The following TRPM6 variants were observed in gnomAD, a reference collection of about 807,000 sequenced individuals.
The protein encoded by TRPM6 is channel kinase 2.
A neutral mutation model predicts 247.6 loss-of-function variants in TRPM6; 111 were observed. The observed-to-expected ratio is 0.45, with a 90% CI of 0.38 to 0.52. The LOEUF is 0.52. Ranked by LOEUF, TRPM6 falls within the 20% of genes least tolerant of loss-of-function variation. The pLI, the probability that TRPM6 is intolerant of heterozygous loss-of-function variation, is 0.00. For synonymous variants in TRPM6, 892 were observed against 853.8 expected (o/e 1.04, Z -0.78); for missense variants, 2,126 against 2,421.5 (o/e 0.88, Z 2.56).
intron 11 of TRPM6, among the ~76,000 whole-genome samples, chr9:74,813,356 G>T (rs1383804340): frequency 6.6e-6 from 1 of 152,228 alleles, no homozygotes; most frequent in Non-Finnish European, 1.5e-5. Context: ...AGTGGAAAAT[G>T]TCAAGAGACA....
rs1193846734 is a variant in TRPM6, at chr9:74,732,705, A to G, written c.5808T>C (p.Val1936=). 3.7e-6 allele frequency: 6 copies of G among 1,609,344 alleles called. No individual in the cohort carries two copies. Among genetic ancestry groups the G allele is most frequent in the Non-Finnish European group, 5.1e-6 (6 of 1,177,634 alleles). Residue 1936 remains valine, a synonymous_variant, in exon 37 of 39, where the codon GTT becomes GTC. Transcript: ENST00000360774. ...GVGENLTDPS[V]IKPEVKQSRG... Reference sequence around the variant, plus strand: ...CTTACTGTTTGACTTCAGGTTTTATAACAGATGGATCTGTCAAATTTTCTC... The same window carrying G: ...CTTACTGTTTGACTTCAGGTTTTATGACAGATGGATCTGTCAAATTTTCTC...
At chr9:74,850,960 C>G (rs1441875026) in intron 3 of TRPM6, among the ~76,000 whole-genome samples, 2 of 152,124 alleles carry the variant, frequency 1.3e-5, no homozygotes, top group Non-Finnish European at 2.9e-5. Flanking sequence ...CTGGCTTTTT[C>G]TACACAAAAC....
intron 11 of TRPM6, among the ~76,000 whole-genome samples, chr9:74,816,341 C>A (rs1238195506): frequency 6.6e-6 from 1 of 151,970 alleles, no homozygotes; most frequent in Non-Finnish European, 1.5e-5. Context: ...TGCATGACAT[C>A]CTGGGCAACA....
chr9:74,830,258 T>C (rs938734180), intron 6 of TRPM6, among the ~76,000 whole-genome samples: 7 of 151,966 alleles, frequency 4.6e-5, no homozygotes, highest in Admixed American at 4.6e-4. Flanking sequence ...ATAAGAAAAA[T>C]TAGGTATTAT....
At chr9:74,844,031 C>T (rs1228862917) in intron 3 of TRPM6, among the ~76,000 whole-genome samples, 1 of 152,062 alleles carries the variant, frequency 6.6e-6, no homozygotes, top group African/African-American at 2.4e-5. Flanking sequence ...CAACAGTGGG[C>T]TTAAAATATT....
intron 25 of TRPM6, among the ~76,000 whole-genome samples, chr9:74,764,937 A>T (rs1043403396): frequency 6.6e-5 from 10 of 152,210 alleles, no homozygotes; most frequent in African/African-American, 2.4e-4. Flanking sequence ...AGTCAACCTC[A>T]TTATGTAATC....
intron 6 of TRPM6, among the ~76,000 whole-genome samples, chr9:74,828,896 C>T (rs1327130820): frequency 6.6e-6 from 1 of 152,116 alleles, no homozygotes; most frequent in African/African-American, 2.4e-5. Context: ...CAAGGACTGG[C>T]ACCAGTACAT....
chr9:74,805,049 C>A (rs550610442), intron 14 of TRPM6, among the ~76,000 whole-genome samples: 14 of 152,208 alleles, frequency 9.2e-5, no homozygotes, highest in African/African-American at 3.4e-4. Context: ...GTTAAATGAT[C>A]ATTGCAACTG....
chr9:74,841,871 C>T (rs369441323), intron 4 of TRPM6, among the ~76,000 whole-genome samples: 7 of 152,192 alleles, frequency 4.6e-5, no homozygotes, highest in South Asian at 4.1e-4. Context: ...ACATCAGGAA[C>T]GGTGCAGCTA....
intron 35 of TRPM6, 146 bp downstream of exon 35, chr9:74,739,221 G>T: frequency 1.2e-6 from 1 of 821,732 alleles, no homozygotes; most frequent in African/African-American, 1.7e-5. Context: ...CCTTTTGCCA[G>T]TCTCCGAAAT....
intron 1 of TRPM6, among the ~76,000 whole-genome samples, chr9:74,864,037 A>C (rs906022002): frequency 2.6e-4 from 39 of 152,270 alleles, no homozygotes; most frequent in African/African-American, 8.4e-4. Flanking sequence ...GGAACTGATA[A>C]CTGACTCCGA....
intron 5 of TRPM6, among the ~76,000 whole-genome samples, chr9:74,835,225 A>G (rs1829685330): frequency 6.6e-6 from 1 of 152,140 alleles, no homozygotes; most frequent in Non-Finnish European, 1.5e-5. Context: ...GGCTGCATAA[A>G]TGTCTTCTAA....
At chr9:74,852,351 C>T (rs1463666590) in intron 3 of TRPM6, among the ~76,000 whole-genome samples, 1 of 151,608 alleles carries the variant, frequency 6.6e-6, no homozygotes, top group East Asian at 1.9e-4. Flanking sequence ...GCCCACCACA[C>T]TTAGCTAAAA....
At chr9:74,748,785 G>A (rs1478782003) in intron 30 of TRPM6, among the ~76,000 whole-genome samples, 4 of 152,118 alleles carry the variant, frequency 2.6e-5, no homozygotes, top group Non-Finnish European at 4.4e-5. Context: ...TAAAGCTAAG[G>A]TTAATTGGTT....
At chr9:74,842,467 A>T (rs1829975634) in intron 3 of TRPM6, 124 bp from the exon 4 acceptor site, 2 of 1,015,140 alleles carry the variant, frequency 2.0e-6, no homozygotes, top group East Asian at 5.2e-5. Flanking sequence ...ATTAAGGTTT[A>T]TATTAAATTT....
chr9:74,727,462 G>A lies in TRPM6; in HGVS notation c.5935+777C>T, dbSNP rs188649375. On this transcript the variant is annotated intron_variant, in intron 38 of 38. Transcript: ENST00000360774. ...TGTCCCATCCCAGGTTACGATGGATGGTGCTCTTTTACTGACTTCAAATTC... is the reference window on the plus strand; with the variant it reads ...TGTCCCATCCCAGGTTACGATGGATAGTGCTCTTTTACTGACTTCAAATTC... Among the ~76,000 whole-genome samples the A allele has an allele frequency of 1.8e-3, 281 of 151,912 alleles. 1 individual carries two copies. Among genetic ancestry groups the A allele is most frequent in the Middle Eastern group, 3.4e-3 (1 of 290 alleles).
chr9:74,740,550 C>T (rs1029470564), intron 33 of TRPM6, among the ~76,000 whole-genome samples: 1 of 152,140 alleles, frequency 6.6e-6, no homozygotes, highest in Non-Finnish European at 1.5e-5. Context: ...GGGACCCAAG[C>T]GCAAACACAA....
chr9:74,747,500 G>A (rs1209264977), intron 31 of TRPM6, among the ~76,000 whole-genome samples: 1 of 152,098 alleles, frequency 6.6e-6, no homozygotes, highest in Non-Finnish European at 1.5e-5. Flanking sequence ...TAGCCATTTG[G>A]GGCCCCAGAT....
chr9:74,837,277 T>C (rs924790338), intron 5 of TRPM6, among the ~76,000 whole-genome samples: 1 of 152,204 alleles, frequency 6.6e-6, no homozygotes, highest in Non-Finnish European at 1.5e-5. Context: ...GGGGATGTTG[T>C]TAAAATGCAG....
Sources: allele counts gnomAD v4.1 joint callset (sites outside exome capture counted in the v4.1 genomes callset), GRCh38; gene constraint gnomAD v4.1.1; transcripts MANE v1.5; gene names NCBI Gene and HGNC (gene_info 2026-07-23, HGNC 2026-07-21).